Variants in MALSU1 observed in about 807,000 individuals in gnomAD.
MALSU1 encodes the protein mitochondrial assembly of ribosomal large subunit 1, also known as mitochondrial assembly of ribosomal large subunit protein 1.
MALSU1 carries 22 observed loss-of-function variants against 22.1 expected under a neutral mutation model. The ratio of observed to expected loss-of-function variants is 1.00; its 90% confidence interval spans 0.71 to 1.42. The LOEUF is 1.42. MALSU1 is among the 40% of genes most tolerant of loss of function. The pLI is 0.00. For synonymous variants in MALSU1, 153 were observed against 118.5 expected (o/e 1.29, Z -1.89); for missense variants, 379 against 308.3 (o/e 1.23, Z -1.72).
intron 3 of MALSU1, 93 bp from the exon 4 acceptor site, chr7:23,309,263 C>T (rs1309884182): frequency 2.5e-6 from 3 of 1,189,748 alleles, no homozygotes; most frequent in East Asian, 4.8e-5. Flanking sequence ...AGAACCACTG[C>T]TTTATTCCTA....
rs879654221 is a variant in MALSU1, at chr7:23,311,114, ATTTTT to A, written c.*1579_*1583del. ...ACTTTACTACTTAAGGTGGAGTCTAATTTTTTTTTTTTAATTTATCAGTGCTTAAA... is the reference window on the plus strand; with the variant it reads ...ACTTTACTACTTAAGGTGGAGTCTAATTTTTTTAATTTATCAGTGCTTAAA... On this transcript the variant is annotated 3_prime_UTR_variant, in exon 4 of 4. Transcript: ENST00000466681. 6.8e-6 allele frequency: 1 copy of A among 147,764 alleles called. No homozygotes were observed. The highest frequency in any genetic ancestry group is 1.5e-5 in the Non-Finnish European group (1 of 66,622). The allele number at this position is 147,764 out of a possible 1,614,324, so 9.2% of individuals were successfully genotyped here.
intron 2 of MALSU1, among the ~76,000 whole-genome samples, chr7:23,302,085 C>T (rs1783656103): frequency 6.6e-6 from 1 of 152,182 alleles, no homozygotes; most frequent in South Asian, 2.1e-4. Flanking sequence ...GCATTTTCAT[C>T]ATTGTAAAAC....
At chr7:23,301,289 T>C in intron 2 of MALSU1, 1 of 251,472 alleles carries the variant, frequency 4.0e-6, no homozygotes, top group Non-Finnish European at 7.6e-6. Flanking sequence ...AGATGGAGTT[T>C]TGCTCTTGTT....
Position 23,299,432 on chromosome 7 carries a change from C to T in MALSU1, c.80C>T (p.Ala27Val), listed in dbSNP as rs1410420677. The T allele has an allele frequency of 1.2e-6, 2 of 1,603,794 alleles. No individual in the cohort carries two copies. Among genetic ancestry groups the T allele is most frequent in the East Asian group, 4.5e-5 (2 of 44,806 alleles). Residue 27 changes from alanine to valine, a missense_variant, in exon 1 of 4, where the codon GCG (alanine) becomes GTG (valine). Coordinates refer to ENST00000466681, the MANE Select transcript of MALSU1 (RefSeq NM_138446.2). ...GCGGTTTCCTCGGTGGCGGGGTCCG[C>T]GGTTGGAGCCGAGCCCGGGCTTCGG... ...RRAVSSVAGS[A>V]VGAEPGLRLL...
At position 23,311,679 on chromosome 7, in the gene MALSU1, T is replaced by G. The variant is rs2128490459; in HGVS notation, c.*2136T>G. 6.5e-6 allele frequency: 1 copy of G among 152,700 alleles called. No individual in the cohort carries two copies. The highest frequency in any genetic ancestry group is 3.4e-3 in the Middle Eastern group (1 of 294). The allele number at this position is 152,700 out of a possible 1,614,324, so 9.5% of individuals were successfully genotyped here. ...AATCTTAATTTGCCTGTTAGCTGAT[T>G]GCTGTTAAATTTTAAATTTATTTTT... On this transcript the variant is annotated 3_prime_UTR_variant, in exon 4 of 4. Transcript: ENST00000466681.
intron 3 of MALSU1, 107 bp from the exon 4 acceptor site, chr7:23,309,249 C>T (rs945773952): frequency 1.9e-6 from 2 of 1,049,964 alleles, no homozygotes; most frequent in African/African-American, 1.6e-5. Context: ...GGGAACCACA[C>T]TTGAGAACCA....
chr7:23,303,301 C>G (rs961299327), intron 2 of MALSU1, among the ~76,000 whole-genome samples: 2 of 152,174 alleles, frequency 1.3e-5, no homozygotes, highest in African/African-American at 2.4e-5. Context: ...TTGTGACCGA[C>G]TTATCTGACT....
chr7:23,303,626 A>G (rs1309341979), intron 2 of MALSU1, among the ~76,000 whole-genome samples: 1 of 151,778 alleles, frequency 6.6e-6, no homozygotes, highest in East Asian at 1.9e-4. Context: ...GTGAAACTCC[A>G]TCTCTACAAA....
At position 23,299,598 on chromosome 7, in the gene MALSU1, G is replaced by A. The variant is rs1783613384; in HGVS notation, c.246G>A (p.Ser82=). 2 of 1,584,384 alleles carry A rather than the reference G, an allele frequency of 1.3e-6. No homozygotes were observed. The highest frequency in any genetic ancestry group is 1.4e-5 in the African/African-American group (1 of 74,008). ...CGGTCAACGAGGGACGCCCAGAATC[G>A]GACGCGGCAGGTACGGGCGTGGAGA... ...EGTVNEGRPE[S]DAADHTGPKF... Residue 82 remains serine, a synonymous_variant, in exon 1 of 4, where the codon TCG becomes TCA. Coordinates refer to ENST00000466681, the MANE Select transcript of MALSU1 (RefSeq NM_138446.2).
At chr7:23,303,754 A>G (rs1350585035) in intron 2 of MALSU1, among the ~76,000 whole-genome samples, 1 of 149,600 alleles carries the variant, frequency 6.7e-6, no homozygotes, top group Non-Finnish European at 1.5e-5. Flanking sequence ...GGCTGCAGTG[A>G]GCCAAGATTG....
chr7:23,305,190 A>G (rs1783708014), intron 2 of MALSU1, among the ~76,000 whole-genome samples: 1 of 152,102 alleles, frequency 6.6e-6, no homozygotes, highest in Non-Finnish European at 1.5e-5. Flanking sequence ...ATTGTTGAAA[A>G]TCATTTGACC....
chr7:23,308,699 C>T (rs1018709934), intron 3 of MALSU1, among the ~76,000 whole-genome samples: 1 of 152,176 alleles, frequency 6.6e-6, no homozygotes, highest in Non-Finnish European at 1.5e-5. Context: ...AAAACTGGAA[C>T]TCAGATGAGG....
rs894310872 is a variant in MALSU1 at position 23,304,199 on chromosome 7, T to C, written c.435+3182T>C. On this transcript the variant is annotated intron_variant, in intron 2 of 3. Transcript: ENST00000466681. ...GCTGGATCATATAGTGATTCTGTTTTTAATTTTTTTTCTGTTCACCAGCCT... is the reference window on the plus strand; with the variant it reads ...GCTGGATCATATAGTGATTCTGTTTCTAATTTTTTTTCTGTTCACCAGCCT... Among the ~76,000 whole-genome samples the C allele has an allele frequency of 2.6e-5, 4 of 152,232 alleles. No individual in the cohort carries two copies. The East Asian group carries it at 5.8e-4, about 22-fold the overall frequency.
rs917488119 is a variant in MALSU1, at chr7:23,308,085, C to G, written c.517+136C>G. Reference sequence around the variant, plus strand: ...GATTTTTGAAGTGTGTTTAAGGTAACAAAAGTTTTTTTAGTTATAATCCAG... The same window carrying G: ...GATTTTTGAAGTGTGTTTAAGGTAAGAAAAGTTTTTTTAGTTATAATCCAG... On this transcript the variant is annotated intron_variant, in intron 3 of 3. Coordinates refer to ENST00000466681, the MANE Select transcript of MALSU1 (RefSeq NM_138446.2). 11 of 745,232 alleles carry G rather than the reference C, an allele frequency of 1.5e-5. No individual in the cohort carries two copies. In the African/African-American group the frequency reaches 1.6e-4, roughly 11 times the overall value. The allele number at this position is 745,232 out of a possible 1,614,324, so 46.2% of individuals were successfully genotyped here. A position where few individuals can be genotyped will look rare whatever the true frequency, so the allele number is the denominator to read the frequency against.
At chr7:23,306,224 T>G (rs940868137) in intron 2 of MALSU1, among the ~76,000 whole-genome samples, 1 of 152,080 alleles carries the variant, frequency 6.6e-6, no homozygotes, top group South Asian at 2.1e-4. Context: ...AAAAAAAGTA[T>G]TATTCTGCTA....
At chr7:23,306,906 T>C (rs1044050601) in intron 2 of MALSU1, among the ~76,000 whole-genome samples, 1 of 152,184 alleles carries the variant, frequency 6.6e-6, no homozygotes, top group Non-Finnish European at 1.5e-5. Context: ...AGTTAGGAAG[T>C]GTTCCCTGTT....
Position 23,299,457 on chromosome 7 carries a change from G to C in MALSU1, c.105G>C (p.Arg35=). 2 of 1,608,136 alleles carry C rather than the reference G, an allele frequency of 1.2e-6. No homozygotes were observed. Among genetic ancestry groups the C allele is most frequent in the Non-Finnish European group, 1.7e-6 (2 of 1,179,402 alleles). Residue 35 remains arginine, a synonymous_variant, in exon 1 of 4, where the codon CGG becomes CGC. Coordinates refer to ENST00000466681, the MANE Select transcript of MALSU1 (RefSeq NM_138446.2). The part of the protein sequence containing the change: ...GSAVGAEPGL[R]LLAVQRLPVG... ...CGGTTGGAGCCGAGCCCGGGCTTCGGCTGCTGGCCGTGCAGCGGCTTCCCG... is the reference window on the plus strand; with the variant it reads ...CGGTTGGAGCCGAGCCCGGGCTTCGCCTGCTGGCCGTGCAGCGGCTTCCCG...
Position 23,299,532 on chromosome 7 carries a change from C to T in MALSU1, c.180C>T (p.Gly60=). Residue 60 remains glycine (G), a synonymous_variant, in exon 1 of 4, where the codon GGC becomes GGT. Coordinates refer to ENST00000466681, the MANE Select transcript of MALSU1 (RefSeq NM_138446.2). ...RACQTPNFVR[G]LHSEPGLEER... ...GCCAGACCCCAAACTTTGTCCGCGG[C>T]CTGCACAGCGAGCCTGGGCTGGAGG... The T allele has an allele frequency of 6.2e-7, 1 of 1,612,660 alleles. No individual in the cohort carries two copies. The highest frequency in any genetic ancestry group is 8.5e-7 in the Non-Finnish European group (1 of 1,179,738).
chr7:23,307,775 A>T lies in MALSU1; in HGVS notation c.436-93A>T. ...GAGAAATGAGTAAGAAAGATTAAAA[A>T]AAACAAACAAACAAACAAAAAAAAA... On this transcript the variant is annotated intron_variant, in intron 2 of 3. Coordinates refer to ENST00000466681, the MANE Select transcript of MALSU1 (RefSeq NM_138446.2). 3.7e-6 allele frequency: 3 copies of T among 803,156 alleles called. No individual in the cohort carries two copies. The South Asian group carries it at 4.8e-5, about 13-fold the overall frequency. The allele number at this position is 803,156 out of a possible 1,614,324, so 49.8% of individuals were successfully genotyped here. A position where few individuals can be genotyped will look rare whatever the true frequency, so the allele number is the denominator to read the frequency against.
Sources: gnomAD v4.1 joint callset for allele counts (sites outside exome capture counted in the v4.1 genomes callset) on GRCh38, gnomAD v4.1.1 for gene constraint, MANE v1.5 for transcripts, NCBI Gene and HGNC (gene_info 2026-07-23, HGNC 2026-07-21) for gene names.